CUL5: variants seen among roughly 807,000 people sequenced by gnomAD.
CUL5 encodes the protein cullin 5, also known as cullin-5.
CUL5 carries 26 observed loss-of-function variants against 108.8 expected under a neutral mutation model. That is an observed-to-expected ratio of 0.24 (90% CI 0.18 to 0.33). The LOEUF is 0.33. CUL5 is among the 10% of genes least tolerant of loss of function. The pLI, the probability that CUL5 is intolerant of heterozygous loss-of-function variation, is 1.00. For missense variants in CUL5, 524 were observed against 909.2 expected (o/e 0.58, Z 5.45); for synonymous variants, 334 against 298.0 (o/e 1.12, Z -1.25).
At chr11:108,099,283 G>A (rs370917519) in intron 18 of CUL5, among the ~76,000 whole-genome samples, 260 of 152,214 alleles carry the variant, frequency 1.7e-3, no homozygotes, top group Non-Finnish European at 2.7e-3. Flanking sequence ...GGGATTACAG[G>A]TGTGAGCTAC....
intron 9 of CUL5, among the ~76,000 whole-genome samples, chr11:108,072,727 A>G (rs527955028): frequency 8.5e-5 from 13 of 152,296 alleles, no homozygotes; most frequent in African/African-American, 2.9e-4. Context: ...GAAATTATAA[A>G]TGTTTGAAGT....
At chr11:108,088,797 C>A in intron 12 of CUL5, 138 bp downstream of exon 12, 1 of 614,698 alleles carries the variant, frequency 1.6e-6, no homozygotes, top group Non-Finnish European at 2.5e-6. Flanking sequence ...ATTTGCAGTG[C>A]AAGACCTCTC....
chr11:108,018,100 G>A (rs756529566), intron 1 of CUL5, among the ~76,000 whole-genome samples: 5 of 152,236 alleles, frequency 3.3e-5, no homozygotes, highest in Middle Eastern at 3.4e-3. Context: ...GTCTCTGGAT[G>A]TGCAGAGAGG....
At chr11:108,065,479 G>A (rs1863650622) in intron 7 of CUL5, among the ~76,000 whole-genome samples, 1 of 152,140 alleles carries the variant, frequency 6.6e-6, no homozygotes, top group African/African-American at 2.4e-5. Flanking sequence ...CTTACCACTG[G>A]AATGGGCGAT....
chr11:108,056,936 A>G (rs1270545063), intron 7 of CUL5, among the ~76,000 whole-genome samples: 1 of 152,158 alleles, frequency 6.6e-6, no homozygotes, highest in African/African-American at 2.4e-5. Context: ...GAGATTAGGT[A>G]TAAAAATAAG....
chr11:108,056,077 C>T (rs2135143237), intron 7 of CUL5, among the ~76,000 whole-genome samples: 1 of 152,264 alleles, frequency 6.6e-6, no homozygotes, highest in East Asian at 1.9e-4. Flanking sequence ...CAATACCTGG[C>T]CTCAAAATAT....
intron 7 of CUL5, among the ~76,000 whole-genome samples, chr11:108,063,865 G>T (rs1284608587): frequency 6.6e-6 from 1 of 152,016 alleles, no homozygotes; most frequent in Non-Finnish European, 1.5e-5. Flanking sequence ...TTATACGAGG[G>T]TTCCTTTTTC....
At chr11:108,075,210 G>C (rs1401668729) in intron 10 of CUL5, among the ~76,000 whole-genome samples, 1 of 151,042 alleles carries the variant, frequency 6.6e-6, no homozygotes, top group Non-Finnish European at 1.5e-5. Flanking sequence ...TTTTTTTAAT[G>C]CAAGTAGCTT....
intron 7 of CUL5, among the ~76,000 whole-genome samples, chr11:108,055,793 G>A (rs1270411828): frequency 6.6e-6 from 1 of 152,116 alleles, no homozygotes; most frequent in Non-Finnish European, 1.5e-5. Context: ...ACCATGCCTG[G>A]CTAATTTTTT....
At position 108,033,914 on chromosome 11, in the gene CUL5, A is replaced by G. The variant is rs553851747; in HGVS notation, c.134+3A>G. The G allele has an allele frequency of 3.2e-6, 5 of 1,576,082 alleles. No individual in the cohort carries two copies. The African/African-American group carries it at 6.8e-5, about 21-fold the overall frequency. On this transcript the variant is annotated splice_donor_region_variant and intron_variant, in intron 2 of 18. Coordinates refer to ENST00000393094, the MANE Select transcript of CUL5 (RefSeq NM_003478.6). Reference sequence around the variant, plus strand: ...CAGCAGTGGTTTGATCTGTTTTCGTAAGTACCCCACTAATTCTGTTTGCTA... The same window carrying G: ...CAGCAGTGGTTTGATCTGTTTTCGTGAGTACCCCACTAATTCTGTTTGCTA...
intron 12 of CUL5, among the ~76,000 whole-genome samples, chr11:108,089,057 C>CA (rs1252086982): frequency 6.6e-6 from 1 of 151,744 alleles, no homozygotes; most frequent in Non-Finnish European, 1.5e-5. Context: ...TCATCTTTGT[C>CA]ACCCAGTTGT....
In CUL5 at chr11:108,037,215, A is replaced by G. The variant is rs566321859; in HGVS notation, c.134+3304A>G. On this transcript the variant is annotated intron_variant, in intron 2 of 18. Transcript: ENST00000393094. Reference sequence around the variant, plus strand: ...AACTGCCAGGGGAATGAGGTAGCCAATTTTCCTGGTTTAGAGCTATCATTT... The same window carrying G: ...AACTGCCAGGGGAATGAGGTAGCCAGTTTTCCTGGTTTAGAGCTATCATTT... Among the ~76,000 whole-genome samples, 214 of 152,154 alleles carry G rather than the reference A, an allele frequency of 1.4e-3. 1 individual carries two copies. The highest frequency in any genetic ancestry group is 2.0e-3 in the African/African-American group (84 of 41,520).
intron 11 of CUL5, among the ~76,000 whole-genome samples, chr11:108,088,233 T>G (rs974867243): frequency 1.3e-5 from 2 of 152,182 alleles, no homozygotes; most frequent in Non-Finnish European, 2.9e-5. Context: ...AAAAAAAATT[T>G]TAATTATCAT....
At chr11:108,015,023 C>T (rs999142653) in intron 1 of CUL5, among the ~76,000 whole-genome samples, 8 of 152,136 alleles carry the variant, frequency 5.3e-5, no homozygotes, top group East Asian at 3.9e-4. Flanking sequence ...CTCAGCCTCC[C>T]GAGTAGTTGG....
intron 11 of CUL5, among the ~76,000 whole-genome samples, chr11:108,079,228 C>CGAGTA (rs1565261817): frequency 6.6e-6 from 1 of 152,136 alleles, no homozygotes; most frequent in Non-Finnish European, 1.5e-5. Context: ...CTCAGCCTCC[C>CGAGTA]GAGTAGCTGG....
intron 5 of CUL5, among the ~76,000 whole-genome samples, chr11:108,053,158 G>A (rs1863278943): frequency 6.6e-6 from 1 of 152,140 alleles, no homozygotes; most frequent in Non-Finnish European, 1.5e-5. Flanking sequence ...AGAGCATGTA[G>A]GAGTACATTC....
At chr11:108,022,138 T>C (rs955720681) in intron 1 of CUL5, among the ~76,000 whole-genome samples, 3 of 152,146 alleles carry the variant, frequency 2.0e-5, no homozygotes, top group African/African-American at 7.2e-5. Context: ...TTCTTTTAAA[T>C]GCAACATTTG....
At chr11:108,025,700 C>G (rs1397170884) in intron 1 of CUL5, among the ~76,000 whole-genome samples, 4 of 152,138 alleles carry the variant, frequency 2.6e-5, no homozygotes, top group Non-Finnish European at 5.9e-5. Context: ...CAGTCTCTTA[C>G]AGTTTTCTCA....
Position 108,072,467 on chromosome 11 carries a change from GT to G in CUL5, c.1005+13del. ...GCTGCTGAAACTATTACTACTGTAAGTTTTTTTTCAATGGCAATGATAGATA... is the reference window on the plus strand; with the variant it reads ...GCTGCTGAAACTATTACTACTGTAAGTTTTTTTCAATGGCAATGATAGATA... On this transcript the variant is annotated splice_donor_region_variant and intron_variant, in intron 9 of 18. Coordinates refer to ENST00000393094, the MANE Select transcript of CUL5 (RefSeq NM_003478.6). 3.8e-6 allele frequency: 6 copies of G among 1,597,100 alleles called. No homozygotes were observed. Among genetic ancestry groups the G allele is most frequent in the South Asian group, 1.1e-5 (1 of 87,766 alleles).
Sources: gnomAD v4.1 joint callset for allele counts (sites outside exome capture counted in the v4.1 genomes callset) on GRCh38, gnomAD v4.1.1 for gene constraint, MANE v1.5 for transcripts, NCBI Gene and HGNC (gene_info 2026-07-23, HGNC 2026-07-21) for gene names.